Variants in USP7 observed in about 807,000 individuals in gnomAD.
The protein encoded by USP7 is ubiquitin C-terminal hydrolase 7.
A neutral mutation model predicts 162.9 loss-of-function variants in USP7; 9 were observed. That is an observed-to-expected ratio of 0.06 (90% CI 0.03 to 0.10). The LOEUF (loss-of-function observed/expected upper bound fraction) is 0.10, where lower values mean the gene tolerates loss of function less well. Ranked by LOEUF, USP7 falls within the 10% of genes least tolerant of loss-of-function variation. USP7 has a pLI of 1.00. For synonymous variants in USP7, 562 were observed against 475.9 expected, an observed-to-expected ratio of 1.18 and a Z score of -2.35; for missense variants, 715 against 1,373.7, an observed-to-expected ratio of 0.52 and a Z score of 7.58.
intron 25 of USP7, chr16:8,897,307 G>A (rs145775303): frequency 7.7e-6 from 4 of 521,830 alleles, no homozygotes; most frequent in Middle Eastern, 5.1e-4. Flanking sequence ...ACCAAATACT[G>A]ACGGGAGGTT....
At chr16:8,938,029 G>A (rs1309830959) in intron 1 of USP7, among the ~76,000 whole-genome samples, 1 of 151,968 alleles carries the variant, frequency 6.6e-6, no homozygotes, top group African/African-American at 2.4e-5. Context: ...ATCGTCACTG[G>A]CCCCAGGGTA....
At chr16:8,897,229 A>C in intron 25 of USP7, 130 bp from the exon 26 acceptor site, 1 of 697,578 alleles carries the variant, frequency 1.4e-6, no homozygotes, top group African/African-American at 1.8e-5. Flanking sequence ...TCTTGCTCTC[A>C]TTCCCACCCC....
intron 2 of USP7, among the ~76,000 whole-genome samples, chr16:8,928,640 A>G (rs990086951): frequency 2.6e-5 from 4 of 152,160 alleles, no homozygotes; most frequent in Non-Finnish European, 4.4e-5. Context: ...CATCAGAAAG[A>G]TATTACATGC....
At chr16:8,901,331 A>C in intron 18 of USP7, 97 bp from the exon 19 acceptor site, 2 of 790,244 alleles carry the variant, frequency 2.5e-6, no homozygotes, top group Non-Finnish European at 4.1e-6. Context: ...AAAAAAAAAA[A>C]ACAGTAAGCT....
chr16:8,949,882 A>C (rs76951557), intron 1 of USP7, among the ~76,000 whole-genome samples: 7,123 of 152,286 alleles, frequency 0.047, 226 homozygotes, highest in Middle Eastern at 0.14. Context: ...TTACATGAAA[A>C]TGCTTGGCTT....
At chr16:8,900,658 A>C (rs1211162724) in intron 20 of USP7, 28 bp from the exon 21 acceptor site, 2 of 1,546,618 alleles carry the variant, frequency 1.3e-6, no homozygotes, top group East Asian at 2.2e-5. Context: ...AAATTGTTAC[A>C]CTGCAAGTTT....
Position 8,959,856 on chromosome 16 carries a change from G to A in USP7, c.79+3351C>T, listed in dbSNP as rs1234670133. 3.9e-5 allele frequency among the ~76,000 whole-genome samples: 6 copies of A among 152,182 alleles called. No individual in the cohort carries two copies. The East Asian group carries it at 9.6e-4, about 24-fold the overall frequency. ...ACAGAAGCCTAGATCAGAAGCTGCA[G>A]CTGACCCATTAATTTGCTCCTAATA... On this transcript the variant is annotated intron_variant, in intron 1 of 30. Coordinates refer to ENST00000344836, the MANE Select transcript of USP7 (RefSeq NM_003470.3).
At chr16:8,919,200 T>C in intron 5 of USP7, 61 bp from the exon 6 acceptor site, 1 of 1,548,930 alleles carries the variant, frequency 6.5e-7, no homozygotes, top group Non-Finnish European at 8.9e-7. Context: ...CTGCAGTGTG[T>C]GTGAAGCAAT....
chr16:8,946,888 A>G (rs976386793), intron 1 of USP7, among the ~76,000 whole-genome samples: 1 of 152,268 alleles, frequency 6.6e-6, no homozygotes, highest in African/African-American at 2.4e-5. Context: ...ATCAACATTT[A>G]GCAGACCTGT....
At position 8,917,118 on chromosome 16, in the gene USP7, A is replaced by C. The variant is rs1471570343; in HGVS notation, c.759T>G (p.Ser253=). Residue 253 remains serine, a synonymous_variant, in exon 7 of 31, where the codon TCT becomes TCG. Coordinates refer to ENST00000344836, the MANE Select transcript of USP7 (RefSeq NM_003470.3). The part of the protein sequence containing the change: ...YMMPTEGDDS[S]KSVPLALQRV... ...TTTGTAATGCTAAAGGGACGCTTTT[A>C]GACGAATCATCCCCCTCGGTTGGCA... The C allele has an allele frequency of 1.9e-6, 3 of 1,613,528 alleles. No homozygotes were observed. The highest frequency in any genetic ancestry group is 1.3e-5 in the African/African-American group (1 of 74,912).
Position 8,902,413 on chromosome 16 carries a change from T to A in USP7, c.1909A>T (p.Met637Leu). The A allele has an allele frequency of 6.2e-7, 1 of 1,614,160 alleles. No individual in the cohort carries two copies. The highest frequency in any genetic ancestry group is 8.5e-7 in the Non-Finnish European group (1 of 1,180,032). Residue 637 changes from methionine (M) to leucine (L), a missense_variant, in exon 17 of 31, where the codon ATG (methionine) becomes TTG (leucine). This residue lies in a region of USP7 where 197 missense variants were observed against 306.5 expected (regional missense o/e 0.64). Transcript: ENST00000344836. ...ARSNGTKRPA[M>L]LDNEADGNKT... ...TTGCCGTCGGCTTCATTATCTAACA[T>A]TGCTGGTCGTTTTGTTCCATTACTC...
chr16:8,959,442 A>C (rs1468690128), intron 1 of USP7, among the ~76,000 whole-genome samples: 1 of 152,120 alleles, frequency 6.6e-6, no homozygotes, highest in African/African-American at 2.4e-5. Flanking sequence ...TGAGGATATC[A>C]GCAGCCTGAA....
At chr16:8,916,076 G>A (rs1897352206) in intron 8 of USP7, among the ~76,000 whole-genome samples, 1 of 152,182 alleles carries the variant, frequency 6.6e-6, no homozygotes, top group Non-Finnish European at 1.5e-5. Flanking sequence ...ATGGCGCGGG[G>A]AGAGTAATCA....
chr16:8,940,476 G>A (rs371203875), intron 1 of USP7, among the ~76,000 whole-genome samples: 10 of 152,228 alleles, frequency 6.6e-5, no homozygotes, highest in Admixed American at 2.0e-4. Context: ...CATCAAGGCT[G>A]TTGATCAGAG....
intron 3 of USP7, among the ~76,000 whole-genome samples, chr16:8,922,388 C>T (rs1345872486): frequency 2.6e-5 from 4 of 152,098 alleles, no homozygotes; most frequent in Non-Finnish European, 4.4e-5. Context: ...CTTGAGACGC[C>T]GAGGCAGGAG....
intron 16 of USP7, among the ~76,000 whole-genome samples, chr16:8,902,759 G>T (rs1485567302): frequency 6.6e-6 from 1 of 152,012 alleles, no homozygotes; most frequent in Admixed American, 6.6e-5. Context: ...CTGGTGACGG[G>T]TGCCTGTAAT....
At chr16:8,923,502 A>G in intron 2 of USP7, 89 bp from the exon 3 acceptor site, 1 of 1,376,720 alleles carries the variant, frequency 7.3e-7, no homozygotes, top group Non-Finnish European at 9.9e-7. Context: ...TGTTCTATAC[A>G]TCCTGATTTA....
At chr16:8,901,844 G>T in intron 18 of USP7, 1 of 541,824 alleles carries the variant, frequency 1.8e-6, no homozygotes, top group Non-Finnish European at 3.3e-6. Flanking sequence ...CACAGCAGCT[G>T]AGACTGAAGA....
At chr16:8,909,803 G>A (rs2061916273) in intron 11 of USP7, among the ~76,000 whole-genome samples, 1 of 152,122 alleles carries the variant, frequency 6.6e-6, no homozygotes, top group African/African-American at 2.4e-5. Flanking sequence ...GCGGGCGCCT[G>A]TAGTCCCAGC....
Sources: allele counts gnomAD v4.1 joint callset (sites outside exome capture counted in the v4.1 genomes callset), GRCh38; gene constraint gnomAD v4.1.1; regional missense constraint gnomAD v4.1.1; transcripts MANE v1.5; gene names NCBI Gene and HGNC (gene_info 2026-07-23, HGNC 2026-07-21).